TMEM45A: variants seen among roughly 807,000 people sequenced by gnomAD.
TMEM45A encodes the protein transmembrane protein 45A.
A neutral mutation model predicts 32.0 loss-of-function variants in TMEM45A; 25 were observed. The ratio of observed to expected loss-of-function variants is 0.78; its 90% CI spans 0.57 to 1.09. The LOEUF (loss-of-function observed/expected upper bound fraction) is 1.09. Among genes scored for constraint, TMEM45A ranks in the 50% least tolerant of loss-of-function variants. The probability of loss-of-function intolerance (pLI) is 0.00; values close to 1 mark genes in which losing one functional copy is unlikely to be tolerated. For synonymous variants in TMEM45A, 122 were observed against 114.8 expected, an observed-to-expected ratio of 1.06 and a Z score of -0.40; for missense variants, 302 against 325.0, an observed-to-expected ratio of 0.93 and a Z score of 0.54.
chr3:100,520,073 A>G (rs1433736089), intron 1 of TMEM45A, among the ~76,000 whole-genome samples: 1 of 151,296 alleles, frequency 6.6e-6, no homozygotes, highest in African/African-American at 2.4e-5. Context: ...AAGAAAATAG[A>G]AAAAAAAATC....
At chr3:100,573,588 T>C (rs1046579329) in intron 5 of TMEM45A, 11 of 152,140 alleles carry the variant, frequency 7.2e-5, no homozygotes, top group Non-Finnish European at 1.3e-4. Context: ...TTGAATACCC[T>C]TTATTTCCTT....
At chr3:100,528,555 C>T (rs772438108) in intron 1 of TMEM45A, among the ~76,000 whole-genome samples, 8 of 152,042 alleles carry the variant, frequency 5.3e-5, no homozygotes, top group Non-Finnish European at 8.8e-5. Flanking sequence ...TCACTTGGAC[C>T]CCTTGTTTTT....
At chr3:100,503,243 C>A (rs965169702) in intron 1 of TMEM45A, among the ~76,000 whole-genome samples, 4 of 152,058 alleles carry the variant, frequency 2.6e-5, no homozygotes, top group Non-Finnish European at 5.9e-5. Context: ...GTAGCTGGGA[C>A]TATAGGCACA....
chr3:100,492,680 C>T lies in TMEM45A; in HGVS notation c.-252C>T, dbSNP rs899844143. The T allele has an allele frequency of 2.0e-5, 3 of 152,276 alleles. No individual in the cohort carries two copies. Among genetic ancestry groups the T allele is most frequent in the Non-Finnish European group, 4.4e-5 (3 of 68,056 alleles). The allele number at this position is 152,276 out of a possible 1,614,324, so 9.4% of individuals were successfully genotyped here. A position where few individuals can be genotyped will look rare whatever the true frequency, so the allele number is the denominator to read the frequency against. ...GCCGACGTCAGCCGAGCACGTCCCC[C>T]ACGTCCTCTCCTTCTCGCCACTTAT... On this transcript the variant is annotated 5_prime_UTR_variant, in exon 1 of 6. Transcript: ENST00000323523.
At position 100,567,979 on chromosome 3, in the gene TMEM45A, G is replaced by T. The variant is rs182255313; in HGVS notation, c.589-843G>T. Among the ~76,000 whole-genome samples the T allele has an allele frequency of 5.4e-3, 824 of 152,184 alleles. 10 individuals carry two copies. The highest frequency in any genetic ancestry group is 8.5e-3 in the South Asian group (41 of 4,814). The stretch of plus-strand genomic sequence containing the variant: ...TTTTTGTATGTTTAGTAGAGATGGG[G>T]TTTCACCGTGTTAGCCAGGATGGTC... On this transcript the variant is annotated intron_variant, in intron 4 of 5. Coordinates refer to ENST00000323523, the MANE Select transcript of TMEM45A (RefSeq NM_018004.3).
At chr3:100,511,862 C>A (rs1242408681) in intron 1 of TMEM45A, among the ~76,000 whole-genome samples, 2 of 151,838 alleles carry the variant, frequency 1.3e-5, no homozygotes, top group South Asian at 2.1e-4. Context: ...CAACAAAGAT[C>A]AAAAAAGACA....
chr3:100,526,845 G>A (rs2148952806), intron 1 of TMEM45A, among the ~76,000 whole-genome samples: 1 of 152,278 alleles, frequency 6.6e-6, no homozygotes, highest in East Asian at 1.9e-4. Context: ...TGCAAATTAG[G>A]AAGCTTTAAG....
rs1707864096 is a variant in TMEM45A, at chr3:100,492,755, T to TACCCCCCC, written c.-177_-176insACCCCCCC. The TACCCCCCC allele has an allele frequency of 1.4e-5, 2 of 143,526 alleles. No homozygotes were observed. Among genetic ancestry groups the TACCCCCCC allele is most frequent in the African/African-American group, 2.7e-5 (1 of 36,840 alleles). The allele number at this position is 143,526 out of a possible 1,614,324, so 8.9% of individuals were successfully genotyped here. A position where few individuals can be genotyped will look rare whatever the true frequency, so the allele number is the denominator to read the frequency against. ...CGACTAGGGACCCAAGTTTAAAAAT[T>TACCCCCCC]CCTCCCCCCACCCAATGCGAGACGT... is the stretch of plus-strand genomic sequence containing the variant. On this transcript the variant is annotated 5_prime_UTR_variant, in exon 1 of 6. Coordinates refer to ENST00000323523, the MANE Select transcript of TMEM45A (RefSeq NM_018004.3).
chr3:100,511,818 G>T (rs561104535), intron 1 of TMEM45A, among the ~76,000 whole-genome samples: 2 of 152,176 alleles, frequency 1.3e-5, no homozygotes, highest in East Asian at 3.9e-4. Flanking sequence ...GGCAGGGGTT[G>T]CAATTCTCCT....
rs1707864288 is a variant in TMEM45A at position 100,492,755 on chromosome 3, T to TCAC, written c.-176_-175insACC. ...CGACTAGGGACCCAAGTTTAAAAAT[T>TCAC]CCTCCCCCCACCCAATGCGAGACGT... On this transcript the variant is annotated 5_prime_UTR_variant, in exon 1 of 6. Coordinates refer to ENST00000323523, the MANE Select transcript of TMEM45A (RefSeq NM_018004.3). 7.0e-6 allele frequency: 1 copy of TCAC among 143,526 alleles called. No homozygotes were observed. The allele number at this position is 143,526 out of a possible 1,614,324, so 8.9% of individuals were successfully genotyped here.
intron 4 of TMEM45A, among the ~76,000 whole-genome samples, chr3:100,564,838 A>G (rs1040135925): frequency 2.0e-5 from 3 of 152,188 alleles, no homozygotes; most frequent in Admixed American, 6.5e-5. Flanking sequence ...GGAATTAGAG[A>G]TGTGGCTCAA....
chr3:100,503,543 T>A (rs1708035936), intron 1 of TMEM45A, among the ~76,000 whole-genome samples: 1 of 152,134 alleles, frequency 6.6e-6, no homozygotes, highest in Non-Finnish European at 1.5e-5. Flanking sequence ...CAACAGAAAA[T>A]TGGGCCTGTT....
At chr3:100,548,568 C>T (rs1451437507) in intron 1 of TMEM45A, among the ~76,000 whole-genome samples, 8 of 152,192 alleles carry the variant, frequency 5.3e-5, no homozygotes, top group Non-Finnish European at 7.3e-5. Context: ...TACTTTAGAA[C>T]GATCTCCTCC....
chr3:100,555,554 T>G (rs898772462), intron 2 of TMEM45A, among the ~76,000 whole-genome samples, 153 bp downstream of exon 2: 2 of 152,234 alleles, frequency 1.3e-5, no homozygotes, highest in Non-Finnish European at 2.9e-5. Flanking sequence ...TGATATGAAA[T>G]TAATCAAGTT....
At chr3:100,539,495 A>T (rs1265146627) in intron 1 of TMEM45A, among the ~76,000 whole-genome samples, 1 of 70,742 alleles carries the variant, frequency 1.4e-5, no homozygotes, top group African/African-American at 7.4e-5. Flanking sequence ...GTATATGTAT[A>T]CGTATACGTA....
intron 1 of TMEM45A, among the ~76,000 whole-genome samples, chr3:100,508,622 G>T (rs1708111874): frequency 6.6e-6 from 1 of 152,100 alleles, no homozygotes. Context: ...ACATAGAGAA[G>T]TGGAACAGAA....
chr3:100,540,989 T>C (rs1705862132), intron 1 of TMEM45A, among the ~76,000 whole-genome samples: 1 of 152,182 alleles, frequency 6.6e-6, no homozygotes, highest in East Asian at 1.9e-4. Flanking sequence ...CCAGCATCTG[T>C]TGTTTATTTG....
At chr3:100,530,636 C>T (rs1351276154) in intron 1 of TMEM45A, among the ~76,000 whole-genome samples, 1 of 152,046 alleles carries the variant, frequency 6.6e-6, no homozygotes, top group African/African-American at 2.4e-5. Flanking sequence ...TTATTTGATC[C>T]ATAATACTTT....
At chr3:100,523,929 G>A (rs190489069) in intron 1 of TMEM45A, among the ~76,000 whole-genome samples, 131 of 152,334 alleles carry the variant, frequency 8.6e-4, no homozygotes, top group Admixed American at 1.5e-3. Context: ...GCTAGAGAGC[G>A]GAACTTCAAG....
Sources: allele counts gnomAD v4.1 joint callset (sites outside exome capture counted in the v4.1 genomes callset), GRCh38; gene constraint gnomAD v4.1.1; transcripts MANE v1.5; gene names NCBI Gene and HGNC (gene_info 2026-07-23, HGNC 2026-07-21).